The following CPXM2 variants were observed in gnomAD, a reference collection of about 807,000 sequenced individuals.
CPXM2 encodes the protein inactive carboxypeptidase-like protein X2.
Under a neutral mutation model 86.1 loss-of-function variants are expected in CPXM2, and 66 were observed. The ratio of observed to expected loss-of-function variants is 0.77; its 90% CI spans 0.63 to 0.94. CPXM2 has a LOEUF of 0.94. Among genes scored for constraint, CPXM2 ranks in the 40% least tolerant of loss-of-function variants. The probability of loss-of-function intolerance (pLI) is 0.00; values close to 1 mark genes in which losing one functional copy is unlikely to be tolerated. For synonymous variants in CPXM2, 388 were observed against 400.2 expected (o/e 0.97, Z 0.36); for missense variants, 948 against 1,026.3 (o/e 0.92, Z 1.04).
At position 123,939,302 on chromosome 10, in the gene CPXM2, G is replaced by T. The variant is rs535126109; in HGVS notation, n.174+175C>A. On this transcript the variant is annotated intron_variant and non_coding_transcript_variant, in intron 2 of 19. Coordinates refer to the CPXM2 transcript ENST00000368854. ...CATATTTAAAGTAAACTAGAAAAGCGGCACCAAGCGGGGCCCAGCAGGTGG... is the reference window on the plus strand; with the variant it reads ...CATATTTAAAGTAAACTAGAAAAGCTGCACCAAGCGGGGCCCAGCAGGTGG... Among the ~76,000 whole-genome samples the T allele has an allele frequency of 6.6e-4, 101 of 152,260 alleles. 1 individual carries two copies. Among genetic ancestry groups the T allele is most frequent in the African/African-American group, 2.3e-3 (94 of 41,564 alleles).
At chr10:123,819,510 T>G (rs1385315597) in intron 4 of CPXM2, among the ~76,000 whole-genome samples, 2 of 152,376 alleles carry the variant, frequency 1.3e-5, no homozygotes, top group East Asian at 3.9e-4. Context: ...CTCCTTCTTT[T>G]GTTAAAAACA....
At chr10:123,892,381 G>A (rs559445135), upstream of CPXM2, among the ~76,000 whole-genome samples, 20 of 151,470 alleles carry the variant, frequency 1.3e-4, no homozygotes, top group South Asian at 4.2e-3. Flanking sequence ...AGACAGTGAC[G>A]TTACCCCAAG....
chr10:123,884,426 T>C (rs549970635), intron 1 of CPXM2, among the ~76,000 whole-genome samples: 1 of 152,324 alleles, frequency 6.6e-6, no homozygotes, highest in African/African-American at 2.4e-5. Flanking sequence ...TGTGCGATGT[T>C]GGCAGGGAAA....
chr10:123,821,942 A>G (rs1847932920), intron 4 of CPXM2, among the ~76,000 whole-genome samples: 1 of 152,242 alleles, frequency 6.6e-6, no homozygotes, highest in African/African-American at 2.4e-5. Flanking sequence ...GAGTGAGGAA[A>G]CTAGAGTACA....
chr10:123,859,706 G>A (rs1460649252), intron 3 of CPXM2, among the ~76,000 whole-genome samples: 4 of 152,204 alleles, frequency 2.6e-5, no homozygotes, highest in African/African-American at 9.7e-5. Flanking sequence ...AAAAACCCAC[G>A]AAGACAAATA....
intron 2 of CPXM2, among the ~76,000 whole-genome samples, chr10:123,920,961 C>T (rs7083868): frequency 0.084 from 12,772 of 152,164 alleles, 631 homozygotes; most frequent in Admixed American, 0.1. Flanking sequence ...TTCCCAGCCT[C>T]CAGAACTCTC....
chr10:123,786,040 C>T (rs1245647197), intron 6 of CPXM2, among the ~76,000 whole-genome samples: 1 of 152,296 alleles, frequency 6.6e-6, no homozygotes, highest in Admixed American at 6.5e-5. Flanking sequence ...GTTTTGCTGT[C>T]GTAATGACCA....
chr10:123,936,463 G>A (rs1339825853), intron 2 of CPXM2, among the ~76,000 whole-genome samples: 1 of 152,178 alleles, frequency 6.6e-6, no homozygotes, highest in Non-Finnish European at 1.5e-5. Flanking sequence ...CAAAGCTCCT[G>A]TCTCTAGACA....
intron 1 of CPXM2, among the ~76,000 whole-genome samples, chr10:123,890,485 C>A (rs1367718482): frequency 1.3e-5 from 2 of 152,218 alleles, no homozygotes; most frequent in South Asian, 2.1e-4. Flanking sequence ...GGCACCCGCA[C>A]GTATCTCCTT....
At chr10:123,766,863 A>C (rs1846487738) in intron 10 of CPXM2, 110 bp downstream of exon 10, 3 of 875,904 alleles carry the variant, frequency 3.4e-6, no homozygotes, top group African/African-American at 1.7e-5. Flanking sequence ...GAAAACATGA[A>C]AGAAAAAAAC....
chr10:123,786,678 T>C (rs924661121), intron 6 of CPXM2, among the ~76,000 whole-genome samples: 4 of 152,184 alleles, frequency 2.6e-5, no homozygotes, highest in Admixed American at 6.5e-5. Flanking sequence ...CCCCATTCCT[T>C]ACTGCCAGTC....
chr10:123,902,577 T>A (rs1179055640), intron 2 of CPXM2, among the ~76,000 whole-genome samples: 3 of 151,962 alleles, frequency 2.0e-5, no homozygotes, highest in Non-Finnish European at 4.4e-5. Flanking sequence ...AGATTCGGAG[T>A]CTGGTGAGGG....
At chr10:123,747,100 T>C in intron 13 of CPXM2, 83 bp from the exon 14 acceptor site, 1 of 1,503,818 alleles carries the variant, frequency 6.6e-7, no homozygotes, top group Non-Finnish European at 9.0e-7. Flanking sequence ...ACCAGCTCCC[T>C]GGGCCAGAGA....
At chr10:123,940,217 C>T (rs1032280157) in exon 1 of CPXM2, 1 of 152,310 alleles carries the variant, frequency 6.6e-6, no homozygotes, top group African/African-American at 2.4e-5. Context: ...GCTTCTTCTT[C>T]CCTGAAAGCT....
At chr10:123,909,901 TTTA>T (rs1484957260) in intron 2 of CPXM2, among the ~76,000 whole-genome samples, 1 of 152,138 alleles carries the variant, frequency 6.6e-6, no homozygotes, top group African/African-American at 2.4e-5. Context: ...CATGCCAACA[TTTA>T]GTCCCTCCAT....
At chr10:123,843,783 C>T (rs1182013408) in intron 3 of CPXM2, among the ~76,000 whole-genome samples, 2 of 152,124 alleles carry the variant, frequency 1.3e-5, no homozygotes, top group African/African-American at 4.8e-5. Flanking sequence ...AGCGTTCTAT[C>T]AGGACAAAAC....
chr10:123,904,897 C>T (rs1945420309), intron 2 of CPXM2, among the ~76,000 whole-genome samples: 1 of 127,668 alleles, frequency 7.8e-6, no homozygotes, highest in Non-Finnish European at 1.6e-5. Flanking sequence ...ACCTGGAGGG[C>T]CCGAGCTCTG....
intron 10 of CPXM2, among the ~76,000 whole-genome samples, chr10:123,765,891 G>C (rs1846460496): frequency 6.6e-6 from 1 of 152,216 alleles, no homozygotes; most frequent in African/African-American, 2.4e-5. Context: ...CAGCTCCCTT[G>C]AATCCCCAGT....
intron 7 of CPXM2, among the ~76,000 whole-genome samples, chr10:123,771,660 T>C (rs1038943701): frequency 1.3e-5 from 2 of 152,204 alleles, no homozygotes; most frequent in South Asian, 2.1e-4. Context: ...TACTTGCTGA[T>C]AGGGTTTGGC....
Sources: gnomAD v4.1 joint callset for allele counts (sites outside exome capture counted in the v4.1 genomes callset) on GRCh38, gnomAD v4.1.1 for gene constraint, MANE v1.5 for transcripts, NCBI Gene and HGNC (gene_info 2026-07-23, HGNC 2026-07-21) for gene names.